FAM3B: variants seen among roughly 807,000 people sequenced by gnomAD.
The protein encoded by FAM3B is FAM3 metabolism regulating signaling molecule B.
Under a neutral mutation model 28.4 loss-of-function variants are expected in FAM3B, and 29 were observed. That is an observed-to-expected ratio of 1.02 (90% CI 0.76 to 1.39). The LOEUF (loss-of-function observed/expected upper bound fraction) is 1.39. FAM3B is among the 40% of genes most tolerant of loss of function. The probability of loss-of-function intolerance (pLI) is 0.00; values close to 1 mark genes in which losing one functional copy is unlikely to be tolerated. For synonymous variants in FAM3B, 91 were observed against 103.0 expected (o/e 0.88, Z 0.71); for missense variants, 266 against 293.9 (o/e 0.91, Z 0.69).
intron 2 of FAM3B, among the ~76,000 whole-genome samples, chr21:41,337,531 G>A (rs140353856): frequency 1.3e-4 from 20 of 152,294 alleles, no homozygotes; most frequent in African/African-American, 2.2e-4. Context: ...ACATCATAGC[G>A]TCCTGGGCAA....
At chr21:41,352,521 G>A (rs1323268827) in intron 7 of FAM3B, among the ~76,000 whole-genome samples, 4 of 152,142 alleles carry the variant, frequency 2.6e-5, no homozygotes, top group Admixed American at 2.6e-4. Context: ...TAGGCCAGGC[G>A]CAGTGGCTCA....
intron 1 of FAM3B, among the ~76,000 whole-genome samples, chr21:41,307,115 A>G (rs9976217): frequency 0.21 from 32,436 of 152,140 alleles, 3,910 homozygotes; most frequent in East Asian, 0.54. Context: ...TTGTTAGTGT[A>G]GCCGCCTTTA....
At chr21:41,340,328 AT>A (rs1404388094) in intron 3 of FAM3B, among the ~76,000 whole-genome samples, 1 of 151,802 alleles carries the variant, frequency 6.6e-6, no homozygotes, top group Non-Finnish European at 1.5e-5. Flanking sequence ...TAATTTTTGT[AT>A]TTTTAGTAGA....
intron 7 of FAM3B, among the ~76,000 whole-genome samples, chr21:41,355,092 G>A (rs535999541): frequency 6.6e-6 from 1 of 152,248 alleles, no homozygotes; most frequent in South Asian, 2.1e-4. Flanking sequence ...TTCATTTTCA[G>A]AAAAATACAA....
chr21:41,322,652 AC>A, intron 1 of FAM3B: 1 of 718,344 alleles, frequency 1.4e-6, no homozygotes. Flanking sequence ...ACGTTCAAGG[AC>A]GTTTGTTGGT....
chr21:41,350,356 C>T (rs1157994014), intron 7 of FAM3B, among the ~76,000 whole-genome samples: 4 of 152,202 alleles, frequency 2.6e-5, no homozygotes, highest in Non-Finnish European at 5.9e-5. Flanking sequence ...ATCCAGCTGG[C>T]TGTGTGGTCT....
chr21:41,322,597 G>C, intron 1 of FAM3B: 1 of 717,088 alleles, frequency 1.4e-6, no homozygotes, highest in Admixed American at 2.0e-5. Context: ...GGTTCACGTT[G>C]GGCATGCTGG....
chr21:41,357,494 T>C lies in FAM3B; in HGVS notation c.*297T>C. The C allele has an allele frequency of 4.1e-6, 1 of 242,284 alleles. No individual in the cohort carries two copies. Among genetic ancestry groups the C allele is most frequent in the Non-Finnish European group, 8.2e-6 (1 of 122,152 alleles). The allele number at this position is 242,284 out of a possible 1,614,324, so 15.0% of individuals were successfully genotyped here. Reference sequence around the variant, plus strand: ...GAAACAGCTTGTCCAGGTGGAGCTATGTTATGATCAGATCGAAGTGTGACC... The same window carrying C: ...GAAACAGCTTGTCCAGGTGGAGCTACGTTATGATCAGATCGAAGTGTGACC... On this transcript the variant is annotated 3_prime_UTR_variant, in exon 8 of 8. Transcript: ENST00000357985.
Position 41,344,508 on chromosome 21 carries a change from GA to G in FAM3B, c.321del (p.Gly108GlufsTer2), listed in dbSNP as rs1407737369. 6.2e-7 allele frequency: 1 copy of G among 1,614,136 alleles called. No homozygotes were observed. Among genetic ancestry groups the G allele is most frequent in the Admixed American group, 1.7e-5 (1 of 60,030 alleles). ...GGAGAACAGCTGGGAAATGTTGCCA[GA>G]GGAATAAACATTGCCATTGTCAACT... ...LMGEQLGNVA[R>X]GINIAIVNYV... is the part of the protein sequence containing the mutation. On this transcript the variant is annotated frameshift_variant, in exon 4 of 8. Transcript: ENST00000357985. LOFTEE classifies it high-confidence loss of function.
intron 1 of FAM3B, chr21:41,320,595 TCACCCATCTTCTGATGATGTCCCGATC>T (rs1465257899): frequency 6.6e-6 from 1 of 152,266 alleles, no homozygotes; most frequent in Non-Finnish European, 1.5e-5. Context: ...GTTCAGCTCA[TCACCCATCTTCTGATGATGTCCCGATC>T]CCAGTGCTGG....
intron 7 of FAM3B, among the ~76,000 whole-genome samples, chr21:41,352,635 A>C (rs1209004656): frequency 6.6e-6 from 1 of 152,104 alleles, no homozygotes; most frequent in Non-Finnish European, 1.5e-5. Context: ...TCTACTAAAA[A>C]TACAACAAAT....
rs1299486618 is a variant in FAM3B, at chr21:41,326,901, C to T, written c.163+3835C>T. The stretch of plus-strand genomic sequence containing the variant: ...ACCCAAGCTCCTCGTTTCCCTTCAC[C>T]TAAGTTTAGCAGCTGCTGCCTCTGC... On this transcript the variant is annotated intron_variant, in intron 2 of 7. Coordinates refer to ENST00000357985, the MANE Select transcript of FAM3B (RefSeq NM_058186.4). This position sits in a 1 kb window ranked among gnomAD's most constrained non-coding sequence, Gnocchi z 4.0. 6.6e-6 allele frequency among the ~76,000 whole-genome samples: 1 copy of T among 152,222 alleles called. No individual in the cohort carries two copies. Among genetic ancestry groups the T allele is most frequent in the Non-Finnish European group, 1.5e-5 (1 of 68,034 alleles).
chr21:41,342,931 ATCT>A (rs2089021048), intron 3 of FAM3B, among the ~76,000 whole-genome samples: 1 of 152,168 alleles, frequency 6.6e-6, no homozygotes, highest in Non-Finnish European at 1.5e-5. Context: ...ATGGGATGAT[ATCT>A]TCTTCTGAGG....
intron 1 of FAM3B, among the ~76,000 whole-genome samples, chr21:41,306,027 C>A (rs1008240623): frequency 1.3e-5 from 2 of 152,240 alleles, no homozygotes; most frequent in Non-Finnish European, 2.9e-5. Context: ...ATTCTCAAAT[C>A]TTTGTTGTCA....
Position 41,322,951 on chromosome 21 carries a change from C to T in FAM3B, c.48C>T (p.Phe16=), listed in dbSNP as rs61734881. 1.9e-3 allele frequency: 3,048 copies of T among 1,613,726 alleles called. 49 individuals are homozygous for T. In the African/African-American group the frequency reaches 0.029, roughly 15 times the overall value. Residue 16 remains phenylalanine (F), a synonymous_variant, in exon 2 of 8, where the codon TTC becomes TTT. Transcript: ENST00000357985. ...TGCTCAAGGTGGTGTTCGTGGTCTT[C>T]GCCTCCTTGTGTGCCTGGTATTCGG... ...GGLLKVVFVV[F]ASLCAWYSGY... is the part of the protein sequence containing the mutation.
At chr21:41,312,720 AGAGTGTGTGTGTGTGTGTGTGTGT>A (rs1377864941), upstream of FAM3B, among the ~76,000 whole-genome samples, 1 of 106,310 alleles carries the variant, frequency 9.4e-6, no homozygotes, top group Non-Finnish European at 2.0e-5. Flanking sequence ...TGTGTGTGTG[AGAGTGTGTGTGTGTGTGTGTGTGT>A]GTGTGTGTAT....
At chr21:41,331,263 C>A (rs1056382985) in intron 2 of FAM3B, among the ~76,000 whole-genome samples, 4 of 152,148 alleles carry the variant, frequency 2.6e-5, no homozygotes, top group Non-Finnish European at 1.5e-5. Context: ...AGTTCTTTAT[C>A]CATTTTTCAA....
chr21:41,307,782 TG>T (rs1249088711), intron 1 of FAM3B, among the ~76,000 whole-genome samples: 2 of 152,166 alleles, frequency 1.3e-5, no homozygotes, highest in Non-Finnish European at 2.9e-5. Flanking sequence ...ACACTGTTCA[TG>T]GCACCCCCAA....
At position 41,357,246 on chromosome 21, in the gene FAM3B, G is replaced by A; in HGVS notation, c.*49G>A. On this transcript the variant is annotated 3_prime_UTR_variant, in exon 8 of 8. Coordinates refer to ENST00000357985, the MANE Select transcript of FAM3B (RefSeq NM_058186.4). ...TGTTCTGTATAAACAAATGCAGCTG[G>A]AATCGCTCAAGAATCTTATTTTTCT... 1.5e-6 allele frequency: 2 copies of A among 1,322,538 alleles called. No homozygotes were observed. Among genetic ancestry groups the A allele is most frequent in the Non-Finnish European group, 2.1e-6 (2 of 938,122 alleles). The allele number at this position is 1,322,538 out of a possible 1,614,324, so 81.9% of individuals were successfully genotyped here.
Sources: gnomAD v4.1 joint callset for allele counts (sites outside exome capture counted in the v4.1 genomes callset) on GRCh38, gnomAD v4.1.1 for gene constraint, Gnocchi (gnomAD v3.1) non-coding constraint, MANE v1.5 for transcripts, NCBI Gene and HGNC (gene_info 2026-07-23, HGNC 2026-07-21) for gene names.